The following NEK6 variants were observed in gnomAD, a reference collection of about 807,000 sequenced individuals.
NEK6 encodes the protein serine/threonine-protein kinase Nek6.
In NEK6, 27 loss-of-function variants were observed where a neutral mutation model predicts 43.5. The observed-to-expected ratio is 0.62, with a 90% CI of 0.46 to 0.86. The LOEUF (loss-of-function observed/expected upper bound fraction) is 0.86. Ranked by LOEUF, NEK6 falls within the 40% of genes least tolerant of loss-of-function variation. The probability of loss-of-function intolerance (pLI) is 0.00; values close to 1 mark genes in which losing one functional copy is unlikely to be tolerated. For synonymous variants in NEK6, 167 were observed against 164.1 expected, an observed-to-expected ratio of 1.02 and a Z score of -0.14; for missense variants, 318 against 414.4, an observed-to-expected ratio of 0.77 and a Z score of 2.02.
Position 124,323,066 on chromosome 9 carries a change from G to A in NEK6, c.405+1497G>A, listed in dbSNP as rs866352256. On this transcript the variant is annotated intron_variant, in intron 5 of 9. Coordinates refer to ENST00000320246, the MANE Select transcript of NEK6 (RefSeq NM_014397.6). Reference sequence around the variant, plus strand: ...TTCCCTTGCTGAACATACAAGCATCGTGTATCCACTGTGTGCCAGCCCTCA... The same window carrying A: ...TTCCCTTGCTGAACATACAAGCATCATGTATCCACTGTGTGCCAGCCCTCA... 4.6e-5 allele frequency among the ~76,000 whole-genome samples: 7 copies of A among 152,176 alleles called. No homozygotes were observed. In the South Asian group the frequency reaches 1.5e-3, roughly 32 times the overall value.
intron 1 of NEK6, among the ~76,000 whole-genome samples, chr9:124,263,947 G>A (rs1476805282): frequency 2.6e-5 from 4 of 152,222 alleles, no homozygotes; most frequent in Admixed American, 6.5e-5. Context: ...TGTCAGCCAC[G>A]GTGTGTTATG....
intron 1 of NEK6, among the ~76,000 whole-genome samples, chr9:124,290,414 C>T (rs868109845): frequency 2.0e-5 from 3 of 152,226 alleles, no homozygotes; most frequent in African/African-American, 4.8e-5. Flanking sequence ...GGCATGTGCC[C>T]GACAGTTGGG....
chr9:124,325,752 C>T (rs1362421263), intron 5 of NEK6, among the ~76,000 whole-genome samples: 1 of 152,222 alleles, frequency 6.6e-6, no homozygotes, highest in East Asian at 1.9e-4. Context: ...AGACTGATGC[C>T]CGTTGGAACT....
rs145671144 is a variant in NEK6, at chr9:124,342,054, A to G, written c.717+2389A>G. ...TTCCAGTCTCTCCAGGACTCCTCTA[A>G]ATCCAGGCAGGTGGCCACTCTGGCC... On this transcript the variant is annotated intron_variant, in intron 8 of 9. Transcript: ENST00000320246. Among the ~76,000 whole-genome samples the G allele has an allele frequency of 4.0e-3, 607 of 152,240 alleles. 3 individuals are homozygous for G. Among genetic ancestry groups the G allele is most frequent in the African/African-American group, 0.013 (546 of 41,518 alleles).
At chr9:124,276,916 A>G (rs902038228) in intron 1 of NEK6, among the ~76,000 whole-genome samples, 1 of 152,130 alleles carries the variant, frequency 6.6e-6, no homozygotes, top group African/African-American at 2.4e-5. Context: ...CTTGGGCTTG[A>G]TGGGTCAAGG....
At chr9:124,276,961 C>T (rs1377193649) in intron 1 of NEK6, among the ~76,000 whole-genome samples, 2 of 152,016 alleles carry the variant, frequency 1.3e-5, no homozygotes, top group African/African-American at 4.8e-5. Context: ...GGATGGCAAC[C>T]CAGAAACCTT....
chr9:124,331,188 C>T (rs1237100219), intron 7 of NEK6, among the ~76,000 whole-genome samples: 1 of 143,258 alleles, frequency 7.0e-6, no homozygotes, highest in Non-Finnish European at 1.5e-5. Flanking sequence ...ATTGCTTGAA[C>T]CCGGCAGGTG....
intron 3 of NEK6, 81 bp downstream of exon 3, chr9:124,312,730 T>C: frequency 7.1e-7 from 1 of 1,413,912 alleles, no homozygotes; most frequent in Non-Finnish European, 9.6e-7. Flanking sequence ...GGCCAGTCCC[T>C]TCTCTCCCCT....
intron 4 of NEK6, among the ~76,000 whole-genome samples, chr9:124,319,946 T>C (rs7039896): frequency 0.026 from 4,029 of 152,322 alleles, 175 homozygotes; most frequent in African/African-American, 0.091. Flanking sequence ...TCACCCTGTG[T>C]AAATTACCTA....
Position 124,296,038 on chromosome 9 carries a change from C to T in NEK6, c.-29-5898C>T, listed in dbSNP as rs573911251. Reference sequence around the variant, plus strand: ...GGTCCGGCCTTGACCCAGCCAGTGGCCAGTGCAGTGAGCTGTCCTTGCCGG... The same window carrying T: ...GGTCCGGCCTTGACCCAGCCAGTGGTCAGTGCAGTGAGCTGTCCTTGCCGG... On this transcript the variant is annotated intron_variant, in intron 1 of 9. Transcript: ENST00000320246. 1.2e-4 allele frequency among the ~76,000 whole-genome samples: 19 copies of T among 152,372 alleles called. No homozygotes were observed. The East Asian group carries it at 3.7e-3, about 29-fold the overall frequency.
At chr9:124,322,836 A>G (rs551403200) in intron 5 of NEK6, among the ~76,000 whole-genome samples, 1 of 152,370 alleles carries the variant, frequency 6.6e-6, no homozygotes, top group East Asian at 1.9e-4. Context: ...CTCTTCTGAA[A>G]TTTGGGTCCT....
At chr9:124,311,359 C>G (rs1833516826) in intron 2 of NEK6, among the ~76,000 whole-genome samples, 1 of 152,202 alleles carries the variant, frequency 6.6e-6, no homozygotes, top group African/African-American at 2.4e-5. Flanking sequence ...CCCTCTGGGC[C>G]TCAGTTTCCT....
intron 8 of NEK6, among the ~76,000 whole-genome samples, chr9:124,344,781 G>A (rs1829833071): frequency 6.6e-6 from 1 of 152,234 alleles, no homozygotes; most frequent in Admixed American, 6.5e-5. Context: ...GCCTTGAGGT[G>A]CCCAGCTGGG....
intron 2 of NEK6, among the ~76,000 whole-genome samples, chr9:124,304,398 G>A (rs993265049): frequency 6.6e-6 from 1 of 152,208 alleles, no homozygotes; most frequent in East Asian, 1.9e-4. Flanking sequence ...GGCTGTTTCC[G>A]CACCCAGCTC....
At chr9:124,313,696 G>T (rs141518266) in intron 3 of NEK6, among the ~76,000 whole-genome samples, 94 of 152,172 alleles carry the variant, frequency 6.2e-4, no homozygotes, top group African/African-American at 2.2e-3. Flanking sequence ...GCTCACCTGG[G>T]CTCTCTGTCT....
intron 1 of NEK6, among the ~76,000 whole-genome samples, chr9:124,285,074 C>T (rs1327741068): frequency 2.0e-5 from 3 of 152,092 alleles, no homozygotes; most frequent in Non-Finnish European, 4.4e-5. Context: ...TTGTTTAAGC[C>T]AAAAAATGTC....
chr9:124,330,287 A>G (rs1423227924), intron 7 of NEK6, among the ~76,000 whole-genome samples: 1 of 152,266 alleles, frequency 6.6e-6, no homozygotes, highest in East Asian at 1.9e-4. Flanking sequence ...GATTGCATAC[A>G]TAAAAATTAA....
At position 124,314,002 on chromosome 9, in the gene NEK6, G is replaced by C. The variant is rs150915044; in HGVS notation, c.294+17G>C. On this transcript the variant is annotated intron_variant, in intron 4 of 9. Coordinates refer to ENST00000320246, the MANE Select transcript of NEK6 (RefSeq NM_014397.6). The stretch of plus-strand genomic sequence containing the variant: ...CTCTTGAAGGTGAGCACCCTGGGCC[G>C]AGCGGGAGCTTTGCCTCCTCGGGGA... 4 of 1,613,206 alleles carry C rather than the reference G, an allele frequency of 2.5e-6. No homozygotes were observed. Among genetic ancestry groups the C allele is most frequent in the Non-Finnish European group, 1.7e-6 (2 of 1,179,418 alleles).
intron 1 of NEK6, among the ~76,000 whole-genome samples, chr9:124,283,558 C>T (rs1430760849): frequency 6.6e-6 from 1 of 152,072 alleles, no homozygotes; most frequent in African/African-American, 2.4e-5. Flanking sequence ...GGAAGGGAGC[C>T]TGGAGAGCTG....
Sources: gnomAD v4.1 joint callset for allele counts (sites outside exome capture counted in the v4.1 genomes callset) on GRCh38, gnomAD v4.1.1 for gene constraint, MANE v1.5 for transcripts, NCBI Gene and HGNC (gene_info 2026-07-23, HGNC 2026-07-21) for gene names.